The following ALPL variants were observed in gnomAD, a reference collection of about 807,000 sequenced individuals.
ALPL encodes alkaline phosphatase, tissue-nonspecific isozyme.
ALPL carries 42 observed loss-of-function variants against 51.3 expected under a neutral mutation model. That is an observed-to-expected ratio of 0.82 (90% CI 0.64 to 1.06). The LOEUF is 1.06. Among genes scored for constraint, ALPL ranks in the 50% least tolerant of loss-of-function variants. ALPL has a pLI of 0.00. For missense variants in ALPL, 589 were observed against 709.4 expected, an observed-to-expected ratio of 0.83 and a Z score of 1.93; for synonymous variants, 279 against 296.4, an observed-to-expected ratio of 0.94 and a Z score of 0.60.
chr1:21,563,890 CCTG>C (rs1644523367), intron 5 of ALPL, 148 bp from the exon 6 acceptor site: 1 of 1,002,762 alleles, frequency 1.0e-6, no homozygotes, highest in Middle Eastern at 3.1e-4. Flanking sequence ...CTGCCAGACA[CCTG>C]CTGCTGTGGA....
chr1:21,540,793 A>G (rs1214464208), intron 1 of ALPL, among the ~76,000 whole-genome samples: 1 of 150,814 alleles, frequency 6.6e-6, no homozygotes, highest in Non-Finnish European at 1.5e-5. Flanking sequence ...TGCTCGACCC[A>G]CCCCCACGGA....
intron 10 of ALPL, among the ~76,000 whole-genome samples, 197 bp from the exon 11 acceptor site, chr1:21,576,325 G>A (rs1312834348): frequency 6.6e-6 from 1 of 151,954 alleles, no homozygotes; most frequent in Non-Finnish European, 1.5e-5. Flanking sequence ...ATGAATGGGA[G>A]GGACATGGGT....
chr1:21,540,531 G>A (rs1220234204), intron 1 of ALPL, among the ~76,000 whole-genome samples: 1 of 152,168 alleles, frequency 6.6e-6, no homozygotes, highest in Non-Finnish European at 1.5e-5. Context: ...AATGGAGCTG[G>A]CAATGGGGCA....
intron 1 of ALPL, among the ~76,000 whole-genome samples, chr1:21,532,084 C>A (rs546727370): frequency 5.3e-5 from 8 of 152,238 alleles, no homozygotes; most frequent in Admixed American, 5.2e-4. Context: ...TCCCCAATCC[C>A]CTGTCCCACC....
intron 1 of ALPL, among the ~76,000 whole-genome samples, chr1:21,524,162 C>T (rs1001827331): frequency 2.6e-5 from 4 of 152,070 alleles, no homozygotes; most frequent in African/African-American, 9.7e-5. Flanking sequence ...TGCCACCACA[C>T]CTGGCTAATT....
chr1:21,563,281 G>A lies in ALPL; in HGVS notation c.469G>A (p.Ala157Thr), dbSNP rs750842585. ...VTSILRWAKD[A>T]GKSVGIVTTT... ...CTCCATCCTGCGCTGGGCCAAGGAC[G>A]CTGGTGAGTCGGGGGAGCAGTGGGG... The change falls in exon 5 of 12, where the codon GCT becomes ACT. Residue 157 changes from alanine to threonine, a missense_variant. Coordinates refer to ENST00000374840, the MANE Select transcript of ALPL (RefSeq NM_000478.6). 3.1e-6 allele frequency: 5 copies of A among 1,607,182 alleles called. No homozygotes were observed. The highest frequency in any genetic ancestry group is 1.1e-5 in the South Asian group (1 of 90,834).
chr1:21,538,267 T>C (rs1644135928), intron 1 of ALPL, among the ~76,000 whole-genome samples: 1 of 152,120 alleles, frequency 6.6e-6, no homozygotes, highest in African/African-American at 2.4e-5. Context: ...CTCACCTCCA[T>C]AGGCCCCAGT....
chr1:21,576,784 G>C (rs1644743672), intron 11 of ALPL, 143 bp downstream of exon 11: 2 of 1,172,244 alleles, frequency 1.7e-6, no homozygotes. Context: ...TGAGTCCCAG[G>C]TTGTTTGATT....
chr1:21,564,291 G>T lies in ALPL; in HGVS notation c.648+75G>T. 9 of 1,578,504 alleles carry T rather than the reference G, an allele frequency of 5.7e-6. No homozygotes were observed. The highest frequency in any genetic ancestry group is 7.8e-6 in the Non-Finnish European group (9 of 1,159,126). On this transcript the variant is annotated intron_variant, in intron 6 of 11. Coordinates refer to ENST00000374840, the MANE Select transcript of ALPL (RefSeq NM_000478.6). This position sits in a 1 kb window ranked among gnomAD's most constrained non-coding sequence, Gnocchi z 5.8. ...GGTGGGCAGGAGGCCTCAGGCCCAG[G>T]CTGGCCCGGAGAAAGCAGCCTGGCC...
chr1:21,567,914 AT>A (rs1644589479), intron 6 of ALPL, among the ~76,000 whole-genome samples, 189 bp from the exon 7 acceptor site: 1 of 152,110 alleles, frequency 6.6e-6, no homozygotes, highest in South Asian at 2.1e-4. Flanking sequence ...CACCGTCCCA[AT>A]AGACTCGTGA....
intron 7 of ALPL, 27 bp from the exon 8 acceptor site, chr1:21,570,278 A>G: frequency 6.2e-7 from 1 of 1,612,574 alleles, no homozygotes; most frequent in East Asian, 2.2e-5. Flanking sequence ...AGCCCCCGGC[A>G]TGTGCTGACA....
intron 1 of ALPL, among the ~76,000 whole-genome samples, chr1:21,547,296 A>G (rs1340189233): frequency 6.6e-6 from 1 of 152,172 alleles, no homozygotes; most frequent in Non-Finnish European, 1.5e-5. Context: ...ACAAAGATTA[A>G]CCCAGGGATA....
chr1:21,571,992 TAAA>T (rs1274545871), intron 8 of ALPL, among the ~76,000 whole-genome samples: 1 of 150,982 alleles, frequency 6.6e-6, no homozygotes, highest in Non-Finnish European at 1.5e-5. Context: ...GACCCTATCT[TAAA>T]AAAAAGAAAG....
chr1:21,563,781 G>C (rs1374016562), intron 5 of ALPL, among the ~76,000 whole-genome samples: 1 of 152,152 alleles, frequency 6.6e-6, no homozygotes, highest in Non-Finnish European at 1.5e-5. Context: ...TTGATGAAGG[G>C]GAGGACTCCA....
intron 2 of ALPL, among the ~76,000 whole-genome samples, chr1:21,558,390 T>G (rs575567767): frequency 1.3e-5 from 2 of 152,200 alleles, no homozygotes; most frequent in Admixed American, 1.3e-4. Context: ...CCAAAGAGGC[T>G]CTATGACCAA....
intron 6 of ALPL, among the ~76,000 whole-genome samples, chr1:21,565,780 C>A (rs954835165): frequency 1.3e-5 from 2 of 149,680 alleles, no homozygotes; most frequent in African/African-American, 4.9e-5. Context: ...CCAGACTGTA[C>A]ATGAAACAAA....
intron 6 of ALPL, among the ~76,000 whole-genome samples, chr1:21,567,368 C>T (rs563167542): frequency 4.0e-4 from 60 of 148,286 alleles, no homozygotes; most frequent in African/African-American, 1.4e-3. Flanking sequence ...CAAACAGTCC[C>T]GCGTCCGTCT....
chr1:21,521,207 A>G (rs1200085838), intron 1 of ALPL, among the ~76,000 whole-genome samples: 1 of 150,792 alleles, frequency 6.6e-6, no homozygotes, highest in African/African-American at 2.4e-5. Context: ...TTTTTTTGAG[A>G]CGGAGTCTGC....
At chr1:21,552,105 T>TCCCCCCCC (rs1558542001) in intron 1 of ALPL, among the ~76,000 whole-genome samples, 7 of 22,838 alleles carry the variant, frequency 3.1e-4, no homozygotes, top group African/African-American at 5.9e-4. Context: ...TCCCTTCCCT[T>TCCCCCCCC]TCCTCCCCTT....
Sources: gnomAD v4.1 joint callset for allele counts (sites outside exome capture counted in the v4.1 genomes callset) on GRCh38, gnomAD v4.1.1 for gene constraint, Gnocchi (gnomAD v3.1) non-coding constraint, MANE v1.5 for transcripts, NCBI Gene and HGNC (gene_info 2026-07-23, HGNC 2026-07-21) for gene names.